Variants in MYO15A observed in about 807,000 individuals in gnomAD.
MYO15A encodes the protein unconventional myosin-XV.
In MYO15A, 308 loss-of-function variants were observed where a neutral mutation model predicts 394.6. The ratio of observed to expected loss-of-function variants is 0.78; its 90% CI spans 0.71 to 0.86. The LOEUF is 0.86. MYO15A is among the 40% of genes least tolerant of loss of function. The pLI is 0.00. For synonymous variants in MYO15A, 1,957 were observed against 2,003.8 expected, an observed-to-expected ratio of 0.98 and a Z score of 0.62; for missense variants, 4,606 against 4,799.1, an observed-to-expected ratio of 0.96 and a Z score of 1.19.
chr17:18,159,846 C>G (rs752421239), intron 55 of MYO15A, 89 bp from the exon 56 acceptor site: 5 of 1,494,726 alleles, frequency 3.3e-6, no homozygotes, highest in Admixed American at 1.9e-5. Context: ...CCAGGCCTGT[C>G]TTCAGGTGCC....
chr17:18,149,816 G>A, intron 35 of MYO15A: 4 of 590,032 alleles, frequency 6.8e-6, no homozygotes, highest in South Asian at 3.7e-5. Context: ...AGCAAGGTGT[G>A]GTGGCATGCC....
chr17:18,109,884 G>A (rs1455809782), intron 1 of MYO15A: 1 of 152,278 alleles, frequency 6.6e-6, no homozygotes, highest in Non-Finnish European at 1.5e-5. Flanking sequence ...TTCCTCTCCA[G>A]CTTAGATTCC....
Position 18,178,957 on chromosome 17 carries a change from C to G in MYO15A, c.*87C>G. On this transcript the variant is annotated 3_prime_UTR_variant, in exon 66 of 66. Transcript: ENST00000647165. Reference sequence around the variant, plus strand: ...CACTGAACCTCTCAGGATCAATGACCCCTGTAAGGGGCCAGAGCCTTGGAG... The same window carrying G: ...CACTGAACCTCTCAGGATCAATGACGCCTGTAAGGGGCCAGAGCCTTGGAG... The G allele has an allele frequency of 7.4e-7, 1 of 1,351,890 alleles. No individual in the cohort carries two copies. Among genetic ancestry groups the G allele is most frequent in the Non-Finnish European group, 1.0e-6 (1 of 967,810 alleles). The allele number at this position is 1,351,890 out of a possible 1,614,324, so 83.7% of individuals were successfully genotyped here. A position where few individuals can be genotyped will look rare whatever the true frequency, so the allele number is the denominator to read the frequency against.
At chr17:18,154,108 C>T in intron 43 of MYO15A, 23 bp from the exon 44 acceptor site, 2 of 1,613,698 alleles carry the variant, frequency 1.2e-6, no homozygotes, top group Admixed American at 1.7e-5. Context: ...CGGACAGTAC[C>T]CACTGAAGCC....
At chr17:18,160,597 C>T (rs1414255746) in intron 56 of MYO15A, 1 of 193,700 alleles carries the variant, frequency 5.2e-6, no homozygotes, top group African/African-American at 2.3e-5. Context: ...TATGCCTATC[C>T]CTGGGCCAAT....
chr17:18,157,212 C>T lies in MYO15A; in HGVS notation c.8770C>T (p.Arg2924Cys), dbSNP rs764516455. ...GGTGGTGTACCTGGAGGAGCTGCGA[C>T]GTAGAGGCCCCGACTTTGGTGTGTG... Reference protein sequence around the residue: ...RKVVYLEELRRRGPDFGWRFG... With the variant: ...RKVVYLEELRCRGPDFGWRFG... The change falls in exon 50 of 66, where the codon CGT (arginine) becomes TGT (cysteine). Residue 2924 changes from arginine (R) to cysteine (C), a missense_variant. Around this residue, in one of 2 missense-constraint regions of MYO15A, gnomAD observed 2,776 missense variants for 3,109.3 expected, o/e 0.89. Coordinates refer to ENST00000647165, the MANE Select transcript of MYO15A (RefSeq NM_016239.4). The T allele has an allele frequency of 3.1e-6, 5 of 1,607,902 alleles. No homozygotes were observed. The highest frequency in any genetic ancestry group is 3.3e-4 in the Middle Eastern group (2 of 6,054).
intron 2 of MYO15A, 147 bp downstream of exon 2, chr17:18,122,556 G>A (rs1334363088): frequency 3.2e-6 from 4 of 1,247,232 alleles, no homozygotes; most frequent in Non-Finnish European, 3.2e-6. Context: ...GGGGAGAACA[G>A]CCTGGACCTC....
chr17:18,143,561 T>C lies in MYO15A; in HGVS notation c.5911-5T>C, dbSNP rs1440259796. On this transcript the variant is annotated splice_region_variant and splice_polypyrimidine_tract_variant and intron_variant, in intron 25 of 65. Coordinates refer to ENST00000647165, the MANE Select transcript of MYO15A (RefSeq NM_016239.4). ...CTCCCCAACCTGACATCTTCTCTTC[T>C]GAAGCTGAGGGCAGAGTGGAGGTGC... The C allele has an allele frequency of 1.4e-5, 22 of 1,555,286 alleles. 1 individual carries two copies. The South Asian group carries it at 1.4e-4, about 10-fold the overall frequency.
In MYO15A at chr17:18,142,233, G is replaced by T. The variant is rs876657900; in HGVS notation, c.5804G>T (p.Arg1935Leu). 3 of 1,612,844 alleles carry T rather than the reference G, an allele frequency of 1.9e-6. No individual in the cohort carries two copies. Among genetic ancestry groups the T allele is most frequent in the Non-Finnish European group, 2.5e-6 (3 of 1,179,912 alleles). The change falls in exon 24 of 66, where the codon CGG (arginine) becomes CTG (leucine). Residue 1935 changes from arginine (R) to leucine (L), a missense_variant. Arg to Leu is a moderately radical substitution (Grantham distance 102, BLOSUM62 -2). This residue lies in a region of MYO15A where 2,776 missense variants were observed against 3,109.3 expected (regional missense o/e 0.89). Transcript: ENST00000647165. ...LRHKIILLQS[R>L]ARGYLARQRY... ...CACAAGATCATCCTGCTGCAAAGCC[G>T]GGCCCGTGGCTACCTTGCCAGGTGA...
At position 18,148,271 on chromosome 17, in the gene MYO15A, C is replaced by T. The variant is rs1567650112; in HGVS notation, c.6691+61C>T. On this transcript the variant is annotated intron_variant, in intron 31 of 65. Transcript: ENST00000647165. This position sits in a 1 kb window ranked among gnomAD's most constrained non-coding sequence, Gnocchi z 4.8. ...GGAGTCAGCAGGGCCCAGTGAGCCC[C>T]GGGGATGGCAGAAGCCACTGGATGT... 6.3e-6 allele frequency: 10 copies of T among 1,599,398 alleles called. No homozygotes were observed. The East Asian group carries it at 6.8e-5, about 11-fold the overall frequency.
intron 12 of MYO15A, among the ~76,000 whole-genome samples, chr17:18,134,093 G>A (rs1402731291): frequency 3.9e-5 from 6 of 152,034 alleles, no homozygotes; most frequent in African/African-American, 7.2e-5. Context: ...AGGTTCAAGC[G>A]ATTCCCCTGC....
intron 11 of MYO15A, 49 bp from the exon 12 acceptor site, chr17:18,133,176 C>T: frequency 6.2e-7 from 1 of 1,600,036 alleles, no homozygotes; most frequent in Non-Finnish European, 8.5e-7. Context: ...CTGGAGGGCT[C>T]CCCAGCCCCA....
Position 18,149,335 on chromosome 17 carries a change from A to G in MYO15A, c.7076A>G (p.Asn2359Ser), listed in dbSNP as rs1224498994. ...AGCAGCCACAATCAGGACGGTACAA[A>G]TGGGGAGACTGAGGCCCAAAGAGGG... ...GYSSHNQDGT[N>S]GETEAQRGTA... The change falls in exon 34 of 66, where the codon AAT (asparagine) becomes AGT (serine). Residue 2359 changes from asparagine to serine, a missense_variant. Physicochemically the swap from Asn to Ser is conservative, Grantham distance 46. Coordinates refer to ENST00000647165, the MANE Select transcript of MYO15A (RefSeq NM_016239.4). 1.2e-6 allele frequency: 2 copies of G among 1,611,520 alleles called. No homozygotes were observed. Among genetic ancestry groups the G allele is most frequent in the South Asian group, 2.2e-5 (2 of 90,666 alleles).
chr17:18,169,848 C>A (rs1567665565), intron 62 of MYO15A, among the ~76,000 whole-genome samples: 2 of 151,442 alleles, frequency 1.3e-5, no homozygotes, highest in Admixed American at 1.3e-4. Context: ...GCCTGTAGTC[C>A]CAGTAACTGG....
rs2046060601 is a variant in MYO15A at position 18,127,127 on chromosome 17, C to T, written c.3994C>T (p.Leu1332=). The T allele has an allele frequency of 6.2e-7, 1 of 1,613,954 alleles. No homozygotes were observed. Among genetic ancestry groups the T allele is most frequent in the South Asian group, 1.1e-5 (1 of 91,088 alleles). ...GGCCACCAAGCTGATTCTGCGCTAC[C>T]TGGCCGCCATGAACCAGAAACGGGA... ...TEATKLILRY[L]AAMNQKREVM... Residue 1332 remains leucine (L), a synonymous_variant, in exon 7 of 66, where the codon CTG becomes TTG. Coordinates refer to ENST00000647165, the MANE Select transcript of MYO15A (RefSeq NM_016239.4).
intron 29 of MYO15A, among the ~76,000 whole-genome samples, chr17:18,145,497 T>G (rs2046459507): frequency 1.3e-5 from 2 of 152,148 alleles, no homozygotes; most frequent in Non-Finnish European, 2.9e-5. Context: ...GCAGATCCCT[T>G]GAGTCCAGGA....
In MYO15A at chr17:18,145,892, C is replaced by T. The variant is rs1269625956; in HGVS notation, c.6294C>T (p.Asp2098=). The T allele has an allele frequency of 6.2e-7, 1 of 1,613,182 alleles. No individual in the cohort carries two copies. Among genetic ancestry groups the T allele is most frequent in the Non-Finnish European group, 8.5e-7 (1 of 1,180,004 alleles). The change falls in exon 30 of 66, where the codon GAC becomes GAT. Residue 2098 remains aspartate, a synonymous_variant. Transcript: ENST00000647165. ...CCCAGATCCTGCGCTTCATGGGCGA[C>T]CCCCACCTGCATGGTGCCCGGGAGA... ...IFKLILRFMG[D]PHLHGARENI...
At chr17:18,175,701 C>T (rs571969939) in intron 65 of MYO15A, among the ~76,000 whole-genome samples, 1 of 152,314 alleles carries the variant, frequency 6.6e-6, no homozygotes, top group East Asian at 1.9e-4. Flanking sequence ...ATCCATACTT[C>T]TACCTCCTGC....
chr17:18,134,673 A>G (rs1048308650), intron 12 of MYO15A, among the ~76,000 whole-genome samples: 29 of 152,244 alleles, frequency 1.9e-4, no homozygotes, highest in African/African-American at 7.0e-4. Context: ...GCTCGAGCCC[A>G]GGAGCTGGAG....
Sources: allele counts gnomAD v4.1 joint callset (sites outside exome capture counted in the v4.1 genomes callset), GRCh38; gene constraint gnomAD v4.1.1; regional missense constraint gnomAD v4.1.1; non-coding constraint Gnocchi (gnomAD v3.1); transcripts MANE v1.5; gene names NCBI Gene and HGNC (gene_info 2026-07-23, HGNC 2026-07-21).